PCNX2: variants seen among roughly 807,000 people sequenced by gnomAD.
PCNX2 encodes the protein pecanex 2, also known as pecanex-like protein 2.
Under a neutral mutation model 223.8 loss-of-function variants are expected in PCNX2, and 168 were observed. The observed-to-expected ratio is 0.75, with a 90% CI of 0.66 to 0.85. The LOEUF (loss-of-function observed/expected upper bound fraction) is 0.85, where lower values mean the gene tolerates loss of function less well. PCNX2 is among the 40% of genes least tolerant of loss of function. The probability of loss-of-function intolerance (pLI) is 0.00; values close to 1 mark genes in which losing one functional copy is unlikely to be tolerated. For missense variants in PCNX2, 2,507 were observed against 2,675.5 expected (o/e 0.94, Z 1.39); for synonymous variants, 1,006 against 1,052.6 (o/e 0.96, Z 0.86).
At chr1:233,259,522 G>A (rs12063343) in intron 4 of PCNX2, among the ~76,000 whole-genome samples, 178 bp from the exon 5 acceptor site, 18,247 of 152,088 alleles carry the variant, frequency 0.12, 3,059 homozygotes, top group African/African-American at 0.38. Context: ...TTTGTTACAC[G>A]GGTATACATG....
chr1:233,220,916 A>C (rs1363581345), intron 10 of PCNX2, among the ~76,000 whole-genome samples: 2 of 152,166 alleles, frequency 1.3e-5, no homozygotes, highest in Non-Finnish European at 2.9e-5. Flanking sequence ...TGATTGATAG[A>C]TACGTATACA....
At chr1:233,245,769 G>C (rs1659074104) in intron 8 of PCNX2, among the ~76,000 whole-genome samples, 1 of 152,008 alleles carries the variant, frequency 6.6e-6, no homozygotes, top group Non-Finnish European at 1.5e-5. Context: ...AAAAAAATTA[G>C]CCCGGCTGTG....
chr1:232,988,386 A>C (rs1389066031), intron 32 of PCNX2, among the ~76,000 whole-genome samples: 1 of 151,092 alleles, frequency 6.6e-6, no homozygotes, highest in Admixed American at 6.6e-5. Context: ...CTCCCCCGCC[A>C]CCCGATTTCA....
chr1:232,983,576 T>G lies in PCNX2; in HGVS notation c.*728A>C, dbSNP rs1294750082. ...GGCCCACCAATCGCCTGGACTACAG[T>G]GAGGAGCATTGTGTGACTCCGCGGT... On this transcript the variant is annotated 3_prime_UTR_variant, in exon 34 of 34. Coordinates refer to ENST00000258229, the MANE Select transcript of PCNX2 (RefSeq NM_014801.4). 1 of 152,186 alleles carries G rather than the reference T, an allele frequency of 6.6e-6. No individual in the cohort carries two copies. The highest frequency in any genetic ancestry group is 1.5e-5 in the Non-Finnish European group (1 of 68,040). The allele number at this position is 152,186 out of a possible 1,614,324, so 9.4% of individuals were successfully genotyped here. A position where few individuals can be genotyped will look rare whatever the true frequency, so the allele number is the denominator to read the frequency against.
intron 13 of PCNX2, among the ~76,000 whole-genome samples, chr1:233,207,062 A>G (rs1681515726): frequency 6.6e-6 from 1 of 151,962 alleles, no homozygotes; most frequent in African/African-American, 2.4e-5. Context: ...TGCTTCTCAA[A>G]TGATGTAACA....
chr1:233,229,594 G>C (rs1363424434), intron 9 of PCNX2, among the ~76,000 whole-genome samples: 1 of 152,150 alleles, frequency 6.6e-6, no homozygotes, highest in Non-Finnish European at 1.5e-5. Context: ...GGCATAAACA[G>C]GTCAAGGGTA....
At chr1:233,128,025 T>C (rs1342261461) in intron 21 of PCNX2, among the ~76,000 whole-genome samples, 2 of 152,208 alleles carry the variant, frequency 1.3e-5, no homozygotes, top group African/African-American at 4.8e-5. Context: ...GAAAACGCCA[T>C]TTAGAAACTT....
At chr1:233,093,483 T>C (rs1332834527) in intron 22 of PCNX2, among the ~76,000 whole-genome samples, 3 of 152,210 alleles carry the variant, frequency 2.0e-5, no homozygotes, top group African/African-American at 7.2e-5. Flanking sequence ...AATTAACATT[T>C]CACAATAAGC....
rs1365486278 is a variant in PCNX2 at position 232,990,603 on chromosome 1, T to A, written c.5792-4063A>T. Among the ~76,000 whole-genome samples the A allele has an allele frequency of 6.6e-6, 1 of 152,128 alleles. No individual in the cohort carries two copies. The highest frequency in any genetic ancestry group is 6.5e-5 in the Admixed American group (1 of 15,276). ...TGGCTGAGGCCAGGAGGGGTAACCATCCACTCATTCGTCCAACCTTTGTCT... is the reference window on the plus strand; with the variant it reads ...TGGCTGAGGCCAGGAGGGGTAACCAACCACTCATTCGTCCAACCTTTGTCT... On this transcript the variant is annotated intron_variant, in intron 32 of 33. Coordinates refer to ENST00000258229, the MANE Select transcript of PCNX2 (RefSeq NM_014801.4). This position sits in a 1 kb window ranked among gnomAD's most constrained non-coding sequence, Gnocchi z 4.3.
chr1:233,203,952 AC>A (rs1681291280), intron 13 of PCNX2, among the ~76,000 whole-genome samples: 2 of 152,136 alleles, frequency 1.3e-5, no homozygotes, highest in African/African-American at 2.4e-5. Context: ...CAATAAATCG[AC>A]GGGAAAAAAT....
chr1:233,040,160 CTT>C (rs1251505790), intron 25 of PCNX2, among the ~76,000 whole-genome samples: 2 of 152,136 alleles, frequency 1.3e-5, no homozygotes, highest in Non-Finnish European at 2.9e-5. Context: ...TTAGATGACT[CTT>C]TTCTATTTCC....
intron 25 of PCNX2, 60 bp downstream of exon 25, chr1:233,054,208 G>T: frequency 6.8e-7 from 1 of 1,473,912 alleles, no homozygotes; most frequent in Non-Finnish European, 9.3e-7. Context: ...CTAAAGTTTT[G>T]CTTGATAATT....
intron 26 of PCNX2, 56 bp downstream of exon 26, chr1:233,025,090 G>A: frequency 6.3e-7 from 1 of 1,591,968 alleles, no homozygotes; most frequent in Non-Finnish European, 8.6e-7. Flanking sequence ...CTCTTTCGGA[G>A]CTTCCTGTGC....
At chr1:233,057,373 G>T in intron 23 of PCNX2, 83 bp from the exon 24 acceptor site, 1 of 1,072,496 alleles carries the variant, frequency 9.3e-7, no homozygotes, top group Non-Finnish European at 1.4e-6. Context: ...AGCTGCATGA[G>T]TGGAAAATGC....
At chr1:233,054,800 A>G (rs1034760235) in intron 24 of PCNX2, 1 of 169,552 alleles carries the variant, frequency 5.9e-6, no homozygotes, top group Admixed American at 5.9e-5. Flanking sequence ...TATATAACAT[A>G]TAAGTTATTA....
intron 4 of PCNX2, 38 bp from the exon 5 acceptor site, chr1:233,259,382 T>G: frequency 2.6e-6 from 4 of 1,548,242 alleles, no homozygotes; most frequent in Non-Finnish European, 3.5e-6. Flanking sequence ...GCATCAGAAA[T>G]GAATGAGTAA....
chr1:233,199,418 G>T (rs1304762696), intron 14 of PCNX2, among the ~76,000 whole-genome samples: 2 of 151,984 alleles, frequency 1.3e-5, no homozygotes, highest in Admixed American at 1.3e-4. Flanking sequence ...GAGGAGACGG[G>T]AAAGGGAATA....
chr1:233,293,551 T>C (rs989926443), intron 1 of PCNX2, among the ~76,000 whole-genome samples: 2 of 152,180 alleles, frequency 1.3e-5, no homozygotes, highest in African/African-American at 4.8e-5. Flanking sequence ...AACTACAGAA[T>C]GCTGTAAAAC....
chr1:233,189,887 G>A (rs1680319652), intron 15 of PCNX2, among the ~76,000 whole-genome samples: 1 of 152,140 alleles, frequency 6.6e-6, no homozygotes. Flanking sequence ...CAAATATTCT[G>A]GTTGTTTCTG....
Sources: gnomAD v4.1 joint callset for allele counts (sites outside exome capture counted in the v4.1 genomes callset) on GRCh38, gnomAD v4.1.1 for gene constraint, Gnocchi (gnomAD v3.1) non-coding constraint, MANE v1.5 for transcripts, NCBI Gene and HGNC (gene_info 2026-07-23, HGNC 2026-07-21) for gene names.